Variants in PABIR3 observed in about 807,000 individuals in gnomAD.
PABIR3 encodes PABIR family member 3, also known as PABIR family member 1.
Under a neutral mutation model 23.1 loss-of-function variants are expected in PABIR3, and 20 were observed. The ratio of observed to expected loss-of-function variants is 0.86; its 90% CI spans 0.61 to 1.26. PABIR3 has a LOEUF of 1.26. PABIR3 is among the 50% of genes most tolerant of loss of function. PABIR3 has a pLI of 0.00. For missense variants in PABIR3, 189 were observed against 195.4 expected (o/e 0.97, Z 0.20); for synonymous variants, 69 against 68.5 (o/e 1.01, Z -0.04).
chrX:134,862,149 T>G, the PABIR3 span, among the ~76,000 whole-genome samples: 37 of 92,867 alleles, frequency 4.0e-4, no homozygotes, highest in Middle Eastern at 1.0e-2. Context: ...GCTGTTTTTT[T>G]TTTTTTTTTT....
intron 2 of PABIR3, among the ~76,000 whole-genome samples, chrX:134,811,445 G>A (rs1603162516): frequency 9.3e-6 from 1 of 107,447 alleles, no homozygotes; most frequent in South Asian, 4.2e-4. Flanking sequence ...CTGGAGTGCA[G>A]TGGTTCAATC....
chrX:134,824,012 C>G (rs1478495310), intron 3 of PABIR3, among the ~76,000 whole-genome samples: 1 of 111,415 alleles, frequency 9.0e-6, no homozygotes. Context: ...AACCCAGAAA[C>G]TCCAGCTCTA....
At chrX:134,828,662 A>AG in intron 3 of PABIR3, among the ~76,000 whole-genome samples, 1 of 112,310 alleles carries the variant, frequency 8.9e-6, no homozygotes, top group Admixed American at 9.5e-5. Flanking sequence ...GACCTAGACA[A>AG]GAAGTATCTT....
At chrX:134,808,654 A>G (rs1333300193) in intron 2 of PABIR3, among the ~76,000 whole-genome samples, 1 of 112,276 alleles carries the variant, frequency 8.9e-6, no homozygotes, top group Admixed American at 9.4e-5. Context: ...TGCTGGGATT[A>G]CAGGCGTAAG....
upstream of PABIR3, among the ~76,000 whole-genome samples, chrX:134,805,664 G>A (rs1318732285): frequency 9.0e-6 from 1 of 111,489 alleles, no homozygotes; most frequent in Non-Finnish European, 1.9e-5. Flanking sequence ...TTGGGAGGCC[G>A]AGGCGGGTGG....
At chrX:134,849,368 T>C (rs1485154950) in intron 9 of PABIR3, 140 bp downstream of exon 9, 1 of 232,094 alleles carries the variant, frequency 4.3e-6, no homozygotes, top group African/African-American at 2.9e-5. Flanking sequence ...AGGCCTTTCA[T>C]TTTATGCAAC....
intron 4 of PABIR3, chrX:134,839,557 G>A (rs2082131709): frequency 8.5e-6 from 1 of 118,196 alleles, no homozygotes; most frequent in South Asian, 2.9e-4. Flanking sequence ...CCGTCCGGGA[G>A]GGAGGTGGGG....
At chrX:134,806,617 C>CAA (rs112975762), upstream of PABIR3, among the ~76,000 whole-genome samples, 13 of 68,460 alleles carry the variant, frequency 1.9e-4, no homozygotes, top group Non-Finnish European at 1.8e-4. Flanking sequence ...AATTCCATCT[C>CAA]AAAAAAAAAA....
At chrX:134,818,024 G>C (rs2081075440) in intron 3 of PABIR3, among the ~76,000 whole-genome samples, 1 of 111,579 alleles carries the variant, frequency 9.0e-6, no homozygotes, top group South Asian at 3.7e-4. Context: ...TTCAAAGATG[G>C]AATCAATGGA....
intron 3 of PABIR3, among the ~76,000 whole-genome samples, chrX:134,819,414 T>C (rs1216529090): frequency 8.9e-6 from 1 of 111,915 alleles, no homozygotes; most frequent in African/African-American, 3.2e-5. Context: ...CTTGTTGGTT[T>C]AGCTTGCTAT....
chrX:134,845,175 CAGTTT>C, intron 4 of PABIR3, 25 bp from the exon 5 acceptor site: 4 of 1,133,183 alleles, frequency 3.5e-6, no homozygotes, highest in Non-Finnish European at 4.8e-6. Flanking sequence ...ACTGGGTATT[CAGTTT>C]ATTCTCATTT....
In PABIR3 at chrX:134,849,214, C is replaced by A; in HGVS notation, c.575C>A (p.Pro192Gln). The A allele has an allele frequency of 1.1e-6, 1 of 934,774 alleles. No homozygotes were observed. The allele number at this position is 934,774 out of a possible 1,213,427, so 77.0% of individuals were successfully genotyped here. ...TNIIRPSILG[P>Q]LKRKGEMAFQ... ...ATTATTAGACCAAGTATCCTTGGAC[C>A]ATTAAAAAGAAAAGGTACTTTTATC... Residue 192 changes from proline (P) to glutamine (Q), a missense_variant, in exon 9 of 11, where the codon CCA becomes CAA. By Grantham distance (76) the Pro-to-Gln change is moderately conservative. Coordinates refer to ENST00000645433, the MANE Select transcript of PABIR3 (RefSeq NM_001388447.1).
chrX:134,853,920 G>T (rs1400028640), intron 10 of PABIR3, among the ~76,000 whole-genome samples, 171 bp from the exon 11 acceptor site: 1 of 111,925 alleles, frequency 8.9e-6, no homozygotes, highest in African/African-American at 3.2e-5. Context: ...ACCTGGCCAT[G>T]GATTTCTATT....
intron 3 of PABIR3, among the ~76,000 whole-genome samples, chrX:134,825,504 A>G (rs1016418571): frequency 1.8e-5 from 2 of 112,210 alleles, no homozygotes; most frequent in African/African-American, 3.2e-5. Context: ...TCCCTTTAAT[A>G]TAAGTTTTAT....
intron 3 of PABIR3, chrX:134,821,741 G>T: frequency 1.1e-6 from 1 of 945,746 alleles, no homozygotes; most frequent in East Asian, 6.1e-5. Flanking sequence ...TTTATGCCCT[G>T]CACATCTAGC....
chrX:134,826,334 T>C (rs1027874160), intron 3 of PABIR3, among the ~76,000 whole-genome samples: 2 of 111,431 alleles, frequency 1.8e-5, no homozygotes, highest in Admixed American at 9.6e-5. Flanking sequence ...TACCACCTTA[T>C]GCCTTTCTTA....
intron 9 of PABIR3, among the ~76,000 whole-genome samples, chrX:134,850,579 G>A (rs948293195): frequency 3.6e-5 from 4 of 112,063 alleles, no homozygotes; most frequent in Non-Finnish European, 7.5e-5. Context: ...GGTCAATTGA[G>A]TATTTAAAAT....
At chrX:134,843,567 T>C (rs1196134052) in intron 4 of PABIR3, among the ~76,000 whole-genome samples, 2 of 87,467 alleles carry the variant, frequency 2.3e-5, no homozygotes, top group African/African-American at 4.2e-5. Flanking sequence ...TATTTCTTTT[T>C]TTTTTTTTTT....
intron 3 of PABIR3, among the ~76,000 whole-genome samples, chrX:134,824,656 C>T (rs1294009726): frequency 1.8e-5 from 2 of 110,411 alleles, no homozygotes; most frequent in African/African-American, 3.3e-5. Context: ...AAAAATTAGC[C>T]GGGCGTGGTG....
Sources: allele counts gnomAD v4.1 joint callset (sites outside exome capture counted in the v4.1 genomes callset), GRCh38; gene constraint gnomAD v4.1.1; transcripts MANE v1.5; gene names NCBI Gene and HGNC (gene_info 2026-07-23, HGNC 2026-07-21).